The following TENM4 variants were observed in gnomAD, a reference collection of about 807,000 sequenced individuals.
The protein encoded by TENM4 is teneurin transmembrane protein 4.
Under a neutral mutation model 243.3 loss-of-function variants are expected in TENM4, and 82 were observed. The observed-to-expected ratio is 0.34, with a 90% CI of 0.28 to 0.40. The LOEUF (loss-of-function observed/expected upper bound fraction) is 0.40. Among genes scored for constraint, TENM4 ranks in the 10% least tolerant of loss-of-function variants. The pLI is 1.00. For synonymous variants in TENM4, 1,412 were observed against 1,456.3 expected, an observed-to-expected ratio of 0.97 and a Z score of 0.69; for missense variants, 3,138 against 3,673.3, an observed-to-expected ratio of 0.85 and a Z score of 3.77.
At chr11:78,987,492 G>T (rs1446411153) in intron 6 of TENM4, among the ~76,000 whole-genome samples, 1 of 152,214 alleles carries the variant, frequency 6.6e-6, no homozygotes, top group Non-Finnish European at 1.5e-5. Flanking sequence ...TTGTCTCAGG[G>T]TAGGTGAGTG....
intron 4 of TENM4, among the ~76,000 whole-genome samples, chr11:79,136,029 C>G (rs1408470892): frequency 6.6e-6 from 1 of 151,642 alleles, no homozygotes; most frequent in African/African-American, 2.4e-5. Context: ...ATTTTGGGAA[C>G]TTATGGGGAA....
At chr11:78,901,501 G>A (rs1056094284) in intron 7 of TENM4, among the ~76,000 whole-genome samples, 3 of 152,098 alleles carry the variant, frequency 2.0e-5, no homozygotes, top group African/African-American at 7.2e-5. Context: ...TAGGAAAACC[G>A]CCTTGCTGCT....
At chr11:79,027,254 C>T (rs1244549070) in intron 6 of TENM4, among the ~76,000 whole-genome samples, 2 of 152,184 alleles carry the variant, frequency 1.3e-5, no homozygotes, top group Non-Finnish European at 2.9e-5. Context: ...GCTAGCACTT[C>T]AACCCAAATT....
chr11:78,729,088 GC>G (rs1446627301), intron 22 of TENM4, among the ~76,000 whole-genome samples: 4 of 152,106 alleles, frequency 2.6e-5, no homozygotes. Flanking sequence ...TGTCCACCTG[GC>G]CCTGCCTTTG....
chr11:79,267,494 T>C (rs1014647610), intron 2 of TENM4, among the ~76,000 whole-genome samples: 2 of 152,176 alleles, frequency 1.3e-5, no homozygotes, highest in Non-Finnish European at 2.9e-5. Context: ...GAGTATATAG[T>C]AGGGACTAAG....
At position 79,081,390 on chromosome 11, in the gene TENM4, G is replaced by C. The variant is rs1860668735; in HGVS notation, c.-65-11381C>G. Among the ~76,000 whole-genome samples the C allele has an allele frequency of 2.6e-5, 4 of 151,948 alleles. No homozygotes were observed. The South Asian group carries it at 8.3e-4, about 31-fold the overall frequency. ...AGCTTCTTGTCTTATAAAACTCCAG[G>C]TCCAGACACATGTAGTCTATGCCCT... is the stretch of plus-strand genomic sequence containing the variant. On this transcript the variant is annotated intron_variant, in intron 4 of 33. Coordinates refer to ENST00000278550, the MANE Select transcript of TENM4 (RefSeq NM_001098816.3).
At position 78,891,307 on chromosome 11, in the gene TENM4, G is replaced by A. The variant is rs972268579; in HGVS notation, c.779C>T (p.Thr260Ile). Residue 260 changes from threonine (T) to isoleucine (I), a missense_variant, in exon 8 of 34, where the codon ACA becomes ATA. Thr to Ile is a moderately conservative substitution (Grantham distance 89, BLOSUM62 -1). This residue lies in a region of TENM4 where 671 missense variants were observed against 614.1 expected (regional missense o/e 1.09). Coordinates refer to ENST00000278550, the MANE Select transcript of TENM4 (RefSeq NM_001098816.3). ...RNLGKQPFLG[T>I]LQDNLIEMDI... ...CATCTCAATGAGGTTGTCCTGCAATGTCCCTAGGAATGGCTGCTTGCCTAG... is the reference window on the plus strand; with the variant it reads ...CATCTCAATGAGGTTGTCCTGCAATATCCCTAGGAATGGCTGCTTGCCTAG... The A allele has an allele frequency of 6.4e-7, 1 of 1,551,712 alleles. No homozygotes were observed. The highest frequency in any genetic ancestry group is 2.4e-5 in the East Asian group (1 of 40,918).
At chr11:79,379,460 G>A (rs182068724) in intron 1 of TENM4, among the ~76,000 whole-genome samples, 132 of 152,278 alleles carry the variant, frequency 8.7e-4, no homozygotes, top group Non-Finnish European at 1.6e-3. Flanking sequence ...TACGATTGAC[G>A]TGGTTCAGGG....
rs762818858 is a variant in TENM4 at position 78,669,757 on chromosome 11, A to G, written c.6588T>C (p.Tyr2196=). The change falls in exon 32 of 34, where the codon TAT becomes TAC. Residue 2196 remains tyrosine (Y), a synonymous_variant. Transcript: ENST00000278550. The surrounding 1 kb of genome is among the most constrained non-coding windows in gnomAD (Gnocchi z 6.4). The part of the protein sequence containing the change: ...YANTTRYSYE[Y]DADGQLQTVS... ...CTGTCTGCAGCTGGCCGTCAGCATC[A>G]TACTCATAGGAGTAGCGAGTGGTAT... 2.5e-6 allele frequency: 4 copies of G among 1,613,872 alleles called. No individual in the cohort carries two copies. The highest frequency in any genetic ancestry group is 3.4e-6 in the Non-Finnish European group (4 of 1,179,902).
intron 6 of TENM4, among the ~76,000 whole-genome samples, chr11:79,006,341 T>A (rs1352907817): frequency 6.6e-6 from 1 of 152,186 alleles, no homozygotes; most frequent in East Asian, 1.9e-4. Flanking sequence ...ACTATAAAGA[T>A]GGAGTATTCA....
intron 12 of TENM4, among the ~76,000 whole-genome samples, chr11:78,836,297 C>G (rs910944252): frequency 3.9e-5 from 6 of 152,176 alleles, no homozygotes; most frequent in Non-Finnish European, 8.8e-5. Context: ...TTGCAGTCAG[C>G]CGAGATTGCG....
In TENM4 at chr11:78,845,916, G is replaced by C. The variant is rs115357453; in HGVS notation, c.1681+8188C>G. Among the ~76,000 whole-genome samples the C allele has an allele frequency of 6.6e-3, 1,008 of 152,308 alleles. 10 individuals carry two copies. The highest frequency in any genetic ancestry group is 0.023 in the African/African-American group (943 of 41,574). ...GTTCCTTCAACAGGAGTGAGTACCAGGTTAGAGATGTTCTATAAATAAGTC... is the reference window on the plus strand; with the variant it reads ...GTTCCTTCAACAGGAGTGAGTACCACGTTAGAGATGTTCTATAAATAAGTC... On this transcript the variant is annotated intron_variant, in intron 12 of 33. Coordinates refer to ENST00000278550, the MANE Select transcript of TENM4 (RefSeq NM_001098816.3).
intron 1 of TENM4, among the ~76,000 whole-genome samples, chr11:79,328,794 A>ATG (rs948136388): frequency 2.6e-5 from 4 of 151,080 alleles, no homozygotes; most frequent in Non-Finnish European, 5.9e-5. Context: ...ATGCATATAT[A>ATG]TATGTAAGCA....
At position 78,940,161 on chromosome 11, in the gene TENM4, A is replaced by G. The variant is rs139429316; in HGVS notation, c.494-36638T>C. Among the ~76,000 whole-genome samples, 70 of 152,308 alleles carry G rather than the reference A, an allele frequency of 4.6e-4. 1 individual carries two copies. The highest frequency in any genetic ancestry group is 1.7e-3 in the Admixed American group (26 of 15,300). On this transcript the variant is annotated intron_variant, in intron 6 of 33. Transcript: ENST00000278550. ...TATTTAAGCATATGTTTATCAAATT[A>G]GGTTCATACTGTATATACAGTTTAT...
intron 2 of TENM4, among the ~76,000 whole-genome samples, chr11:79,252,319 C>T (rs1274864904): frequency 2.6e-5 from 4 of 152,246 alleles, no homozygotes; most frequent in Admixed American, 1.3e-4. Context: ...ACTGCAAGCT[C>T]TGCCTCCCGC....
intron 6 of TENM4, among the ~76,000 whole-genome samples, chr11:78,919,673 A>G (rs1591129345): frequency 6.6e-6 from 1 of 152,132 alleles, no homozygotes; most frequent in East Asian, 1.9e-4. Flanking sequence ...ATTCATTAAG[A>G]CGTCTGAATG....
intron 3 of TENM4, among the ~76,000 whole-genome samples, chr11:79,210,624 G>A (rs17828301): frequency 0.016 from 2,375 of 152,254 alleles, 26 homozygotes; most frequent in Middle Eastern, 0.065. Context: ...GCTTTTACTA[G>A]CAAGGTAACC....
intron 6 of TENM4, among the ~76,000 whole-genome samples, chr11:78,978,102 G>A (rs562858471): frequency 6.6e-6 from 1 of 152,152 alleles, no homozygotes; most frequent in Non-Finnish European, 1.5e-5. Flanking sequence ...ACTAACACAG[G>A]AACAGAAAAC....
intron 4 of TENM4, among the ~76,000 whole-genome samples, chr11:79,147,037 A>T (rs551244625): frequency 6.6e-6 from 1 of 152,240 alleles, no homozygotes; most frequent in Non-Finnish European, 1.5e-5. Flanking sequence ...ATGTACATGC[A>T]TGCATACGTA....
Sources: allele counts gnomAD v4.1 joint callset (sites outside exome capture counted in the v4.1 genomes callset), GRCh38; gene constraint gnomAD v4.1.1; regional missense constraint gnomAD v4.1.1; non-coding constraint Gnocchi (gnomAD v3.1); transcripts MANE v1.5; gene names NCBI Gene and HGNC (gene_info 2026-07-23, HGNC 2026-07-21).